PARD3: variants seen among roughly 807,000 people sequenced by gnomAD.
The protein encoded by PARD3 is par-3 family cell polarity regulator.
A neutral mutation model predicts 155.4 loss-of-function variants in PARD3; 75 were observed. The observed-to-expected ratio is 0.48, with a 90% CI of 0.40 to 0.58. PARD3 has a LOEUF of 0.58. PARD3 is among the 20% of genes least tolerant of loss of function. The pLI, the probability that PARD3 is intolerant of heterozygous loss-of-function variation, is 0.00. For synonymous variants in PARD3, 576 were observed against 610.5 expected (o/e 0.94, Z 0.83); for missense variants, 1,642 against 1,721.7 (o/e 0.95, Z 0.82).
intron 2 of PARD3, among the ~76,000 whole-genome samples, chr10:34,687,079 A>G (rs191787328): frequency 2.6e-5 from 4 of 152,280 alleles, no homozygotes; most frequent in Admixed American, 6.5e-5. Flanking sequence ...ATAATAAATT[A>G]GAAAAATAAA....
At chr10:34,735,091 G>C (rs1357609267) in intron 1 of PARD3, among the ~76,000 whole-genome samples, 1 of 151,986 alleles carries the variant, frequency 6.6e-6, no homozygotes, top group Non-Finnish European at 1.5e-5. Flanking sequence ...CTGGTGCTAA[G>C]GGAAATTAAG....
intron 22 of PARD3, among the ~76,000 whole-genome samples, chr10:34,179,834 T>C (rs928953165): frequency 2.0e-5 from 3 of 152,152 alleles, no homozygotes; most frequent in Non-Finnish European, 4.4e-5. Flanking sequence ...CCATGTCCTT[T>C]AGGAAAAAGC....
intron 3 of PARD3, among the ~76,000 whole-genome samples, chr10:34,489,694 A>G (rs1052858686): frequency 4.7e-4 from 71 of 152,224 alleles, no homozygotes; most frequent in African/African-American, 1.7e-3. Context: ...CTCCTCCTTA[A>G]GGAAAGAGTA....
intron 2 of PARD3, among the ~76,000 whole-genome samples, chr10:34,642,665 C>A (rs2092715087): frequency 6.6e-6 from 1 of 152,084 alleles, no homozygotes; most frequent in Non-Finnish European, 1.5e-5. Context: ...CCATGATAAA[C>A]CCTGAGGACA....
intron 22 of PARD3, among the ~76,000 whole-genome samples, chr10:34,254,286 G>A (rs1366412240): frequency 6.6e-6 from 1 of 152,036 alleles, no homozygotes; most frequent in African/African-American, 2.4e-5. Flanking sequence ...GGCTGAGGCA[G>A]AAGAATGGCG....
chr10:34,430,409 C>T (rs1589546265), intron 5 of PARD3, among the ~76,000 whole-genome samples: 2 of 152,162 alleles, frequency 1.3e-5, no homozygotes, highest in South Asian at 4.1e-4. Flanking sequence ...AGCAAGTTGA[C>T]TTCCTAATGA....
chr10:34,601,618 G>C lies in PARD3; in HGVS notation c.223-84459C>G, dbSNP rs567951042. ...GGTATCGAGTCACAGATTCATTTCA[G>C]GTAAGCTCCTAAGAGTTGAGAACCA... is the stretch of plus-strand genomic sequence containing the variant. On this transcript the variant is annotated intron_variant, in intron 2 of 24. Transcript: ENST00000374788. 5.3e-5 allele frequency among the ~76,000 whole-genome samples: 8 copies of C among 152,240 alleles called. No homozygotes were observed. The East Asian group carries it at 9.7e-4, about 18-fold the overall frequency.
intron 2 of PARD3, among the ~76,000 whole-genome samples, chr10:34,681,680 T>C (rs1195422477): frequency 5.0e-5 from 7 of 138,616 alleles, no homozygotes; most frequent in Admixed American, 1.5e-4. Context: ...ATAATATACA[T>C]GTATATAATT....
At position 34,528,002 on chromosome 10, in the gene PARD3, GTAAC is replaced by G. The variant is rs529765763; in HGVS notation, c.223-10847_223-10844del. On this transcript the variant is annotated intron_variant, in intron 2 of 24. Coordinates refer to ENST00000374788, the MANE Select transcript of PARD3 (RefSeq NM_001184785.2). ...ATCAACTGGCAGGTTTATTCAAAAA[GTAAC>G]TAAATAATAAAATTCTTTTTATCAA... Among the ~76,000 whole-genome samples the G allele has an allele frequency of 1.7e-3, 254 of 152,284 alleles. 2 individuals are homozygous for G. Among genetic ancestry groups the G allele is most frequent in the African/African-American group, 5.9e-3 (245 of 41,564 alleles).
chr10:34,542,026 A>G lies in PARD3; in HGVS notation c.223-24867T>C, dbSNP rs2083642734. On this transcript the variant is annotated intron_variant, in intron 2 of 24. Transcript: ENST00000374788. Reference sequence around the variant, plus strand: ...CGAGTAGCTGAGACACAGGCAAGCAACACCGCCCCTGGCCTATGCACATTT... The same window carrying G: ...CGAGTAGCTGAGACACAGGCAAGCAGCACCGCCCCTGGCCTATGCACATTT... Among the ~76,000 whole-genome samples the G allele has an allele frequency of 2.0e-5, 3 of 152,152 alleles. No homozygotes were observed. In the South Asian group the frequency reaches 6.2e-4, roughly 32 times the overall value.
At chr10:34,645,580 A>G (rs1228427040) in intron 2 of PARD3, among the ~76,000 whole-genome samples, 1 of 152,160 alleles carries the variant, frequency 6.6e-6, no homozygotes, top group Non-Finnish European at 1.5e-5. Flanking sequence ...TGGATTATTT[A>G]CCAAATTTTC....
intron 2 of PARD3, among the ~76,000 whole-genome samples, chr10:34,552,486 T>A (rs1044339937): frequency 5.9e-5 from 9 of 152,192 alleles, no homozygotes; most frequent in Non-Finnish European, 1.3e-4. Flanking sequence ...GGCAGGTGGA[T>A]CACCTGAGGT....
intron 21 of PARD3, among the ~76,000 whole-genome samples, chr10:34,279,498 T>C (rs886936031): frequency 3.3e-5 from 5 of 152,142 alleles, no homozygotes; most frequent in Non-Finnish European, 5.9e-5. Context: ...TGCTACAGGA[T>C]AGAAAAAATG....
chr10:34,123,569 G>A (rs1240760025), intron 23 of PARD3, among the ~76,000 whole-genome samples: 1 of 152,054 alleles, frequency 6.6e-6, no homozygotes, highest in Admixed American at 6.6e-5. Flanking sequence ...AGGACTACAG[G>A]TATGCACCAC....
chr10:34,267,482 C>T (rs550692872), intron 22 of PARD3, among the ~76,000 whole-genome samples: 1 of 152,108 alleles, frequency 6.6e-6, no homozygotes, highest in Non-Finnish European at 1.5e-5. Context: ...TTTCATAAGA[C>T]CATAAGGAAA....
At chr10:34,697,104 G>GA (rs11440199) in intron 1 of PARD3, among the ~76,000 whole-genome samples, 88,967 of 150,934 alleles carry the variant, frequency 0.59, 27,547 homozygotes, top group Non-Finnish European at 0.67. Flanking sequence ...TGAGGAGAAG[G>GA]AAAAAAAAGG....
intron 19 of PARD3, among the ~76,000 whole-genome samples, chr10:34,325,041 G>C (rs1958605593): frequency 6.6e-6 from 1 of 151,770 alleles, no homozygotes; most frequent in African/African-American, 2.4e-5. Flanking sequence ...ATGGAGTTTT[G>C]CTTTGTCGCC....
intron 2 of PARD3, among the ~76,000 whole-genome samples, chr10:34,547,298 G>A (rs1245822803): frequency 6.6e-6 from 1 of 152,200 alleles, no homozygotes; most frequent in Non-Finnish European, 1.5e-5. Flanking sequence ...TTTAAAAATA[G>A]AACACTGGGG....
At chr10:34,731,765 A>G (rs2094822483) in intron 1 of PARD3, among the ~76,000 whole-genome samples, 1 of 152,204 alleles carries the variant, frequency 6.6e-6, no homozygotes. Flanking sequence ...CATGCCACAT[A>G]CAGCTTACCA....
Sources: gnomAD v4.1 joint callset for allele counts (sites outside exome capture counted in the v4.1 genomes callset) on GRCh38, gnomAD v4.1.1 for gene constraint, MANE v1.5 for transcripts, NCBI Gene and HGNC (gene_info 2026-07-23, HGNC 2026-07-21) for gene names.